DNAH11: variants seen among roughly 807,000 people sequenced by gnomAD.
DNAH11 encodes axonemal beta dynein heavy chain 11.
DNAH11 carries 442 observed loss-of-function variants against 526.0 expected under a neutral mutation model. That is an observed-to-expected ratio of 0.84 (90% CI 0.78 to 0.91). The LOEUF (loss-of-function observed/expected upper bound fraction) is 0.91, where lower values mean the gene tolerates loss of function less well. Among genes scored for constraint, DNAH11 ranks in the 40% least tolerant of loss-of-function variants. The pLI, the probability that DNAH11 is intolerant of heterozygous loss-of-function variation, is 0.00. For synonymous variants in DNAH11, 2,461 were observed against 1,935.9 expected, an observed-to-expected ratio of 1.27 and a Z score of -7.12; for missense variants, 6,989 against 5,448.7, an observed-to-expected ratio of 1.28 and a Z score of -8.90.
intron 14 of DNAH11, among the ~76,000 whole-genome samples, chr7:21,598,302 C>A (rs1784941810): frequency 6.6e-6 from 1 of 152,152 alleles, no homozygotes; most frequent in Non-Finnish European, 1.5e-5. Flanking sequence ...TTTAGCCACT[C>A]AGCCTCTCTA....
intron 54 of DNAH11, among the ~76,000 whole-genome samples, chr7:21,753,468 GCT>G: frequency 6.6e-6 from 1 of 152,286 alleles, no homozygotes; most frequent in East Asian, 1.9e-4. Flanking sequence ...GTGCTTTCAT[GCT>G]CTTTAAAACT....
intron 39 of DNAH11, among the ~76,000 whole-genome samples, chr7:21,707,277 G>T (rs1784305812): frequency 1.3e-5 from 2 of 152,200 alleles, no homozygotes; most frequent in South Asian, 4.1e-4. Context: ...CTCTGGGATT[G>T]GGCTCAGCAA....
intron 55 of DNAH11, among the ~76,000 whole-genome samples, 179 bp downstream of exon 55, chr7:21,765,768 A>G (rs1787156922): frequency 6.6e-6 from 1 of 152,188 alleles, no homozygotes; most frequent in South Asian, 2.1e-4. Flanking sequence ...ATTCTAAGGA[A>G]TATGATGGCT....
At chr7:21,723,100 C>T (rs1482165550) in intron 44 of DNAH11, among the ~76,000 whole-genome samples, 1 of 152,208 alleles carries the variant, frequency 6.6e-6, no homozygotes, top group African/African-American at 2.4e-5. Context: ...GCATTTAAAA[C>T]AGAGGCTATG....
At chr7:21,816,862 T>C (rs1476052439) in intron 64 of DNAH11, among the ~76,000 whole-genome samples, 160 bp downstream of exon 64, 1 of 152,198 alleles carries the variant, frequency 6.6e-6, no homozygotes, top group Non-Finnish European at 1.5e-5. Context: ...ATAAAGTATC[T>C]CTGTTGAAAA....
At chr7:21,657,383 G>A (rs1782059178) in intron 29 of DNAH11, among the ~76,000 whole-genome samples, 1 of 151,392 alleles carries the variant, frequency 6.6e-6, no homozygotes, top group Non-Finnish European at 1.5e-5. Context: ...TGTTGTTATA[G>A]GGGGTTGGTT....
At chr7:21,778,244 C>G (rs537615544) in intron 56 of DNAH11, among the ~76,000 whole-genome samples, 1 of 152,156 alleles carries the variant, frequency 6.6e-6, no homozygotes, top group African/African-American at 2.4e-5. Context: ...GCTGAGTTCT[C>G]CAAGAGCTGA....
At chr7:21,794,251 G>T (rs974916687) in intron 61 of DNAH11, among the ~76,000 whole-genome samples, 1 of 151,984 alleles carries the variant, frequency 6.6e-6, no homozygotes, top group Non-Finnish European at 1.5e-5. Flanking sequence ...TTGGTCATTC[G>T]CTCCTTGCTT....
chr7:21,581,425 A>T (rs1479668704), intron 8 of DNAH11, among the ~76,000 whole-genome samples: 1 of 152,216 alleles, frequency 6.6e-6, no homozygotes, highest in Non-Finnish European at 1.5e-5. Context: ...TTCAGTTCTC[A>T]CCTGAAGAAA....
At position 21,687,398 on chromosome 7, in the gene DNAH11, A is replaced by G. The variant is rs375442328; in HGVS notation, c.5795A>G (p.Tyr1932Cys). 6.2e-6 allele frequency: 10 copies of G among 1,613,308 alleles called. No individual in the cohort carries two copies. The highest frequency in any genetic ancestry group is 2.7e-5 in the African/African-American group (2 of 74,924). Residue 1932 changes from tyrosine (Y) to cysteine (C), a missense_variant, in exon 34 of 82, where the codon TAT (tyrosine) becomes TGT (cysteine). Physicochemically the swap from Tyr to Cys is radical, Grantham distance 194. Coordinates refer to ENST00000409508, the MANE Select transcript of DNAH11 (RefSeq NM_001277115.2). ...QMDYKSIGNIYKGLVQTGAWG... is the reference protein window; with the variant it reads ...QMDYKSIGNICKGLVQTGAWG... ...ATCATTTAGTCCATAGGCAATATCT[A>G]TAAGGGATTGGTGCAGACAGGAGCT...
intron 28 of DNAH11, among the ~76,000 whole-genome samples, chr7:21,651,218 T>C (rs543251745): frequency 1.3e-5 from 2 of 152,186 alleles, no homozygotes; most frequent in Non-Finnish European, 2.9e-5. Context: ...GCTTTGTGTA[T>C]ATTTTATCCC....
At chr7:21,786,897 A>G in intron 59 of DNAH11, 130 bp downstream of exon 59, 3 of 1,335,324 alleles carry the variant, frequency 2.2e-6, no homozygotes, top group Admixed American at 4.0e-5. Flanking sequence ...AATGTAATCT[A>G]CTGTATATGT....
chr7:21,812,361 T>C (rs1221140152), intron 63 of DNAH11, among the ~76,000 whole-genome samples: 1 of 152,148 alleles, frequency 6.6e-6, no homozygotes, highest in African/African-American at 2.4e-5. Flanking sequence ...ACACCCACTT[T>C]TCAGTAATGG....
At chr7:21,758,461 G>C (rs909925251) in intron 54 of DNAH11, among the ~76,000 whole-genome samples, 6 of 151,888 alleles carry the variant, frequency 4.0e-5, no homozygotes, top group Non-Finnish European at 5.9e-5. Flanking sequence ...AATATGTACT[G>C]AGTGCCCGTG....
Position 21,543,425 on chromosome 7 carries a change from C to G in DNAH11, c.180C>G (p.Arg60=), listed in dbSNP as rs781089233. The G allele has an allele frequency of 1.3e-6, 2 of 1,556,268 alleles. No homozygotes were observed. The highest frequency in any genetic ancestry group is 2.4e-5 in the South Asian group (2 of 84,496). ...GTTTCGCCCAAGACGCGCGGGTGCG[C>G]TTCCTCGGCGGCCGCCTGGCGATGA... The part of the protein sequence containing the change: ...ARSFAQDARV[R]FLGGRLAMML... The change falls in exon 1 of 82, where the codon CGC becomes CGG. Residue 60 remains arginine (R), a synonymous_variant. Coordinates refer to ENST00000409508, the MANE Select transcript of DNAH11 (RefSeq NM_001277115.2).
chr7:21,710,362 G>T (rs1395236937), intron 40 of DNAH11, among the ~76,000 whole-genome samples, 191 bp from the exon 41 acceptor site: 2 of 152,142 alleles, frequency 1.3e-5, no homozygotes, highest in African/African-American at 4.8e-5. Context: ...CCTTCTCAGT[G>T]AGGTGAAACT....
chr7:21,873,476 A>C lies in DNAH11; in HGVS notation c.12170A>C (p.His4057Pro), dbSNP rs1483243546. ...CCAACAGGGATGCTGGCCAATTTGCATGCCGCCCTGTACAACTTTGATCAG... is the reference window on the plus strand; with the variant it reads ...CCAACAGGGATGCTGGCCAATTTGCCTGCCGCCCTGTACAACTTTGATCAG... ...EPPTGMLANL[H>P]AALYNFDQDT... The change falls in exon 74 of 82, where the codon CAT (histidine) becomes CCT (proline). Residue 4057 changes from histidine (H) to proline (P), a missense_variant. By Grantham distance (77) the His-to-Pro change is moderately conservative. Coordinates refer to ENST00000409508, the MANE Select transcript of DNAH11 (RefSeq NM_001277115.2). The C allele has an allele frequency of 6.2e-7, 1 of 1,614,006 alleles. No homozygotes were observed. Among genetic ancestry groups the C allele is most frequent in the East Asian group, 2.2e-5 (1 of 44,886 alleles).
In DNAH11 at chr7:21,866,510, A is replaced by T; in HGVS notation, c.11537A>T (p.Asp3846Val). The T allele has an allele frequency of 6.2e-7, 1 of 1,613,596 alleles. No homozygotes were observed. The highest frequency in any genetic ancestry group is 2.2e-5 in the East Asian group (1 of 44,880). ...VMEEFRGIDRDVEGSAKQWRK... is the reference protein window; with the variant it reads ...VMEEFRGIDRVVEGSAKQWRK... ...GAAGAATTTCGAGGCATAGACCGAG[A>T]TGTGGAAGGATCTGCCAAGCAGTGG... Residue 3846 changes from aspartate (D) to valine (V), a missense_variant, in exon 71 of 82, where the codon GAT becomes GTT. By Grantham distance (152) the Asp-to-Val change is radical. Coordinates refer to ENST00000409508, the MANE Select transcript of DNAH11 (RefSeq NM_001277115.2).
intron 66 of DNAH11, among the ~76,000 whole-genome samples, chr7:21,848,360 T>C (rs915157449): frequency 8.6e-6 from 1 of 116,874 alleles, no homozygotes; most frequent in Non-Finnish European, 2.1e-5. Context: ...CTCTCTACTT[T>C]TAATTTTTAT....
Sources: gnomAD v4.1 joint callset for allele counts (sites outside exome capture counted in the v4.1 genomes callset) on GRCh38, gnomAD v4.1.1 for gene constraint, MANE v1.5 for transcripts, NCBI Gene and HGNC (gene_info 2026-07-23, HGNC 2026-07-21) for gene names.